The following TRIM33 variants were observed in gnomAD, a reference collection of about 807,000 sequenced individuals.
The protein encoded by TRIM33 is E3 ubiquitin-protein ligase TRIM33.
A neutral mutation model predicts 125.4 loss-of-function variants in TRIM33; 20 were observed. The ratio of observed to expected loss-of-function variants is 0.16; its 90% confidence interval spans 0.11 to 0.23. The LOEUF (loss-of-function observed/expected upper bound fraction) is 0.23, where lower values mean the gene tolerates loss of function less well. Ranked by LOEUF, TRIM33 falls within the 10% of genes least tolerant of loss-of-function variation. The probability of loss-of-function intolerance (pLI) is 1.00; values close to 1 mark genes in which losing one functional copy is unlikely to be tolerated. For missense variants in TRIM33, 920 were observed against 1,411.4 expected, an observed-to-expected ratio of 0.65 and a Z score of 5.58; for synonymous variants, 564 against 513.9, an observed-to-expected ratio of 1.10 and a Z score of -1.32.
At chr1:114,476,901 C>A (rs1651006737) in intron 1 of TRIM33, among the ~76,000 whole-genome samples, 4 of 151,926 alleles carry the variant, frequency 2.6e-5, no homozygotes, top group African/African-American at 9.7e-5. Context: ...AAAGAATAAA[C>A]CAGCATTCCA....
chr1:114,467,191 T>C (rs1331894029), intron 1 of TRIM33, among the ~76,000 whole-genome samples: 1 of 152,124 alleles, frequency 6.6e-6, no homozygotes, highest in East Asian at 1.9e-4. Context: ...TTAAAGGAAA[T>C]GTAGAGGATA....
Position 114,510,534 on chromosome 1 carries a change from C to A in TRIM33, c.526+17G>T, listed in dbSNP as rs1653280681. On this transcript the variant is annotated intron_variant, in intron 1 of 19. Transcript: ENST00000358465. ...AATCCCTTGCGGCCCAGATGCCAGG[C>A]AGGGCCTCCGGCTCACCTTGCTGGA... is the stretch of plus-strand genomic sequence containing the variant. The A allele has an allele frequency of 6.9e-7, 1 of 1,458,214 alleles. No individual in the cohort carries two copies. The highest frequency in any genetic ancestry group is 1.4e-5 in the African/African-American group (1 of 69,408). 90.3% of individuals were successfully genotyped at this position (1,458,214 alleles called of 1,614,324 possible).
chr1:114,507,120 C>T (rs1653048763), intron 1 of TRIM33, among the ~76,000 whole-genome samples: 1 of 152,230 alleles, frequency 6.6e-6, no homozygotes, highest in Non-Finnish European at 1.5e-5. Context: ...GATGATCTAT[C>T]AGAGAGCGAC....
In TRIM33 at chr1:114,405,401, C is replaced by T; in HGVS notation, c.2768+9G>A. 1.3e-6 allele frequency: 2 copies of T among 1,583,048 alleles called. No individual in the cohort carries two copies. Among genetic ancestry groups the T allele is most frequent in the Non-Finnish European group, 1.7e-6 (2 of 1,164,582 alleles). On this transcript the variant is annotated intron_variant, in intron 15 of 19. Transcript: ENST00000358465. ...AATCAACACCAAAAATCAATTATTT[C>T]ACTGGTACCTTGGAAAGCTAAGTAG...
intron 1 of TRIM33, among the ~76,000 whole-genome samples, chr1:114,505,580 G>GT (rs1201021967): frequency 2.6e-5 from 4 of 152,032 alleles, no homozygotes; most frequent in African/African-American, 9.7e-5. Context: ...GTTTTGTTTT[G>GT]TTTTTGAGAC....
At chr1:114,410,363 G>A (rs1165271562) in intron 11 of TRIM33, 47 bp from the exon 12 acceptor site, 11 of 1,571,560 alleles carry the variant, frequency 7.0e-6, no homozygotes, top group Non-Finnish European at 9.5e-6. Context: ...TTAAAGCAGA[G>A]AAGTTATTAA....
chr1:114,401,271 G>C (rs1651868955), intron 17 of TRIM33, 118 bp downstream of exon 17: 1 of 571,936 alleles, frequency 1.7e-6, no homozygotes, highest in South Asian at 2.4e-5. Context: ...TGATCCGCCT[G>C]CCTCGGCCTC....
intron 4 of TRIM33, among the ~76,000 whole-genome samples, chr1:114,457,675 T>A (rs2101346756): frequency 6.6e-6 from 1 of 152,318 alleles, no homozygotes; most frequent in Middle Eastern, 3.4e-3. Flanking sequence ...GAGCTGCTGA[T>A]CCTGTGATCG....
intron 4 of TRIM33, among the ~76,000 whole-genome samples, chr1:114,452,822 A>G (rs1649397726): frequency 6.6e-6 from 1 of 151,522 alleles, no homozygotes; most frequent in Non-Finnish European, 1.5e-5. Flanking sequence ...GGATCACTTG[A>G]GCCCAGGAGG....
intron 10 of TRIM33, among the ~76,000 whole-genome samples, chr1:114,423,179 T>C (rs573457579): frequency 6.6e-6 from 1 of 152,304 alleles, no homozygotes; most frequent in Admixed American, 6.5e-5. Context: ...TGTGGAGATA[T>C]AACGATAATT....
At chr1:114,424,201 C>T (rs959228794) in intron 10 of TRIM33, among the ~76,000 whole-genome samples, 1 of 151,896 alleles carries the variant, frequency 6.6e-6, no homozygotes, top group Non-Finnish European at 1.5e-5. Context: ...TCTCAAAGCC[C>T]TTTTTATATA....
At chr1:114,499,792 G>T (rs1652599231) in intron 1 of TRIM33, among the ~76,000 whole-genome samples, 1 of 152,096 alleles carries the variant, frequency 6.6e-6, no homozygotes, top group Non-Finnish European at 1.5e-5. Flanking sequence ...GCAGAAGCAA[G>T]CAGTAAAATA....
chr1:114,421,561 T>C lies in TRIM33; in HGVS notation c.1936A>G (p.Thr646Ala), dbSNP rs770348266. Reference protein sequence around the residue: ...HNTTINPTSPTTATMANANRG... With the variant: ...HNTTINPTSPATATMANANRG... ...TTTGCATTTGCCATAGTTGCTGTAG[T>C]AGGGCTCGTTGGGTTGATTGTGGTG... Residue 646 changes from threonine to alanine, a missense_variant, in exon 11 of 20, where the codon ACT (threonine) becomes GCT (alanine). Around this residue, in one of 8 missense-constraint regions of TRIM33, gnomAD observed 407 missense variants for 589.7 expected, o/e 0.69. Transcript: ENST00000358465. The C allele has an allele frequency of 1.2e-6, 2 of 1,614,156 alleles. No homozygotes were observed. Among genetic ancestry groups the C allele is most frequent in the Non-Finnish European group, 1.7e-6 (2 of 1,180,020 alleles).
At chr1:114,492,143 T>G (rs972793371) in intron 1 of TRIM33, among the ~76,000 whole-genome samples, 3 of 152,156 alleles carry the variant, frequency 2.0e-5, no homozygotes, top group Admixed American at 1.3e-4. Context: ...GCTCTGCCCA[T>G]GTGTAGGGAT....
At chr1:114,487,595 T>C (rs1651781333) in intron 1 of TRIM33, among the ~76,000 whole-genome samples, 1 of 151,502 alleles carries the variant, frequency 6.6e-6, no homozygotes, top group Admixed American at 6.6e-5. Context: ...AACACTGGAA[T>C]GATAAAAATG....
chr1:114,427,603 G>T, intron 7 of TRIM33, 145 bp downstream of exon 7: 1 of 755,882 alleles, frequency 1.3e-6, no homozygotes, highest in South Asian at 2.4e-5. Context: ...GGAAACTTTG[G>T]GGGGTGGTGG....
At chr1:114,428,018 T>C (rs758243275) in intron 6 of TRIM33, 124 bp from the exon 7 acceptor site, 2 of 963,470 alleles carry the variant, frequency 2.1e-6, no homozygotes, top group Admixed American at 2.8e-5. Flanking sequence ...ATAAGCTCCA[T>C]GATTATTTAG....
intron 1 of TRIM33, among the ~76,000 whole-genome samples, chr1:114,506,119 C>T (rs1652984907): frequency 6.6e-6 from 1 of 152,008 alleles, no homozygotes; most frequent in African/African-American, 2.4e-5. Context: ...TGGTGCCTCA[C>T]GCCTATAATC....
rs188092611 is a variant in TRIM33 at position 114,481,577 on chromosome 1, T to A, written c.527-17189A>T. ...CTGCACTCCAGCCTGGGCAACAGAG[T>A]GAGACACTGTCCGAAAAAAAACCCA... On this transcript the variant is annotated intron_variant, in intron 1 of 19. Coordinates refer to ENST00000358465, the MANE Select transcript of TRIM33 (RefSeq NM_015906.4). Among the ~76,000 whole-genome samples the A allele has an allele frequency of 3.1e-3, 437 of 139,524 alleles. 2 individuals are homozygous for A. The highest frequency in any genetic ancestry group is 0.01 in the African/African-American group (376 of 37,048). 91.5% of individuals were successfully genotyped at this position (139,524 alleles called of 152,430 possible). A position where few individuals can be genotyped will look rare whatever the true frequency, so the allele number is the denominator to read the frequency against.
Sources: allele counts gnomAD v4.1 joint callset (sites outside exome capture counted in the v4.1 genomes callset), GRCh38; gene constraint gnomAD v4.1.1; regional missense constraint gnomAD v4.1.1; transcripts MANE v1.5; gene names NCBI Gene and HGNC (gene_info 2026-07-23, HGNC 2026-07-21).